PDE4DIP: variants seen among roughly 807,000 people sequenced by gnomAD.
The protein encoded by PDE4DIP is phosphodiesterase 4D interacting protein, also known as myomegalin.
Under a neutral mutation model 221.4 loss-of-function variants are expected in PDE4DIP, and 59 were observed. The observed-to-expected ratio is 0.27, with a 90% CI of 0.22 to 0.33. The LOEUF is 0.33. PDE4DIP is among the 10% of genes least tolerant of loss of function. The probability of loss-of-function intolerance (pLI) is 1.00; values close to 1 mark genes in which losing one functional copy is unlikely to be tolerated. For synonymous variants in PDE4DIP, 404 were observed against 815.9 expected (o/e 0.50, Z 8.60); for missense variants, 1,036 against 2,154.2 (o/e 0.48, Z 10.28).
chr1:148,989,453 G>A lies in PDE4DIP; in HGVS notation c.2816-2432G>A, dbSNP rs61809694. 8 of 507,408 alleles carry A rather than the reference G, an allele frequency of 1.6e-5. No individual in the cohort carries two copies. The Admixed American group carries it at 3.1e-4, about 20-fold the overall frequency. The allele number at this position is 507,408 out of a possible 1,614,324, so 31.4% of individuals were successfully genotyped here. ...TGGAGCATTATCCAAGAATGCAGAC[G>A]TGGCACCAGAAAGGCTGCCAAAGAT... On this transcript the variant is annotated intron_variant, in intron 21 of 43. Transcript: ENST00000369354.
intron 14 of PDE4DIP, among the ~76,000 whole-genome samples, chr1:148,970,502 T>G (rs1419438156): frequency 1.3e-5 from 2 of 150,510 alleles, no homozygotes; most frequent in African/African-American, 2.4e-5. Context: ...ATGGTTGTAT[T>G]CTTCTAGATC....
chr1:148,975,454 G>C (rs1384280480), intron 17 of PDE4DIP, among the ~76,000 whole-genome samples: 4 of 150,012 alleles, frequency 2.7e-5, no homozygotes, highest in African/African-American at 9.9e-5. Context: ...TTTAAAATGG[G>C]AGTGGAGAAT....
chr1:148,978,086 T>A (rs782027789), intron 18 of PDE4DIP, 33 bp downstream of exon 21: 46 of 1,584,192 alleles, frequency 2.9e-5, no homozygotes, highest in Non-Finnish European at 3.6e-5. Flanking sequence ...CCACTGGAAA[T>A]GTTCACAGCT....
Position 148,975,777 on chromosome 1 carries a change from G to T in PDE4DIP, c.2319+1172G>T, listed in dbSNP as rs587691992. Among the ~76,000 whole-genome samples, 424 of 152,190 alleles carry T rather than the reference G, an allele frequency of 2.8e-3. 2 individuals are homozygous for T. Among genetic ancestry groups the T allele is most frequent in the African/African-American group, 9.8e-3 (408 of 41,532 alleles). On this transcript the variant is annotated intron_variant, in intron 17 of 43. Coordinates refer to ENST00000369354, the Ensembl canonical transcript of PDE4DIP. ...TACTATGCTGGCATCTCTTTTAGAA[G>T]ATCACTCAATGTCATGGCTTCCTAA...
intron 1 of PDE4DIP, among the ~76,000 whole-genome samples, chr1:148,919,372 C>A (rs1292285109): frequency 6.6e-6 from 1 of 151,352 alleles, no homozygotes; most frequent in Non-Finnish European, 1.5e-5. Flanking sequence ...TTAATGTTAG[C>A]CAGATATCTA....
At position 149,028,968 on chromosome 1, in the gene PDE4DIP, C is replaced by T. The variant is rs587711665; in HGVS notation, c.6813+265C>T. Among the ~76,000 whole-genome samples, 13 of 152,276 alleles carry T rather than the reference C, an allele frequency of 8.5e-5. No homozygotes were observed. The East Asian group carries it at 1.5e-3, about 18-fold the overall frequency. On this transcript the variant is annotated intron_variant, in intron 41 of 43. Coordinates refer to ENST00000369354, the Ensembl canonical transcript of PDE4DIP. ...AGAAGATGAAGGGGTGTGAAGAAGG[C>T]GGAGACATCATAACCCTGGCCATCC...
In PDE4DIP at chr1:148,998,415, T is replaced by A. The variant is rs1553569398; in HGVS notation, c.3137+40T>A. ...CCAGGGAAGGGGAGCTTGCAGGTCA[T>A]GAGGCACCACAGCCAAGGGGTGCCT... On this transcript the variant is annotated intron_variant, in intron 23 of 43. Transcript: ENST00000369354. The A allele has an allele frequency of 2.4e-6, 3 of 1,243,522 alleles. No homozygotes were observed. In the Admixed American group the frequency reaches 5.2e-5, roughly 21 times the overall value. 77.0% of individuals were successfully genotyped at this position (1,243,522 alleles called of 1,614,324 possible).
exon 27 of PDE4DIP, chr1:149,005,080 T>C: frequency 6.2e-7 from 1 of 1,613,566 alleles, no homozygotes. Context: ...AACATCTTGG[T>C]CCTACGAAAG....
intron 19 of PDE4DIP, among the ~76,000 whole-genome samples, chr1:148,979,055 A>G (rs1229472593): frequency 6.6e-6 from 1 of 151,506 alleles, no homozygotes; most frequent in Non-Finnish European, 1.5e-5. Flanking sequence ...AAAAAAAGAG[A>G]AAGAAACCCC....
chr1:148,820,640 T>C (rs1406431500), intron 1 of PDE4DIP, among the ~76,000 whole-genome samples: 1 of 148,692 alleles, frequency 6.7e-6, no homozygotes, highest in Non-Finnish European at 1.5e-5. Flanking sequence ...TTGCAGACTT[T>C]TGTTTTGTTT....
At chr1:148,936,988 T>C (rs1197347022) in intron 4 of PDE4DIP, among the ~76,000 whole-genome samples, 5 of 152,180 alleles carry the variant, frequency 3.3e-5, no homozygotes, top group African/African-American at 1.2e-4. Flanking sequence ...AAAACGACAA[T>C]GAAAGTATAG....
chr1:148,980,950 CT>C (rs1294806169), intron 20 of PDE4DIP, among the ~76,000 whole-genome samples: 4 of 152,184 alleles, frequency 2.6e-5, no homozygotes, highest in Non-Finnish European at 4.4e-5. Flanking sequence ...GAAACAAAAG[CT>C]TTTAGCCAAA....
intron 31 of PDE4DIP, among the ~76,000 whole-genome samples, chr1:149,012,329 T>TGA (rs2068806432): frequency 7.3e-6 from 1 of 137,130 alleles, no homozygotes; most frequent in African/African-American, 2.8e-5. Flanking sequence ...CTTACCTTCT[T>TGA]TAGCCAATTG....
intron 41 of PDE4DIP, among the ~76,000 whole-genome samples, chr1:149,028,942 A>T (rs2075953728): frequency 6.6e-6 from 1 of 152,132 alleles, no homozygotes; most frequent in Non-Finnish European, 1.5e-5. Flanking sequence ...TAAGAAATCA[A>T]AGAAGATGAA....
At chr1:148,967,949 G>T (rs1345359471) in intron 13 of PDE4DIP, 44 bp downstream of exon 16, 1 of 832,062 alleles carries the variant, frequency 1.2e-6, no homozygotes, top group Non-Finnish European at 2.0e-6. Flanking sequence ...CAGTGATTAT[G>T]TAATCTCAGC....
At chr1:149,030,492 T>C (rs1553636074) in intron 43 of PDE4DIP, 3 of 974,426 alleles carry the variant, frequency 3.1e-6, no homozygotes, top group Non-Finnish European at 3.7e-6. Context: ...TGTATCTTGG[T>C]TCACTCTCAC....
chr1:148,985,847 AGGGGTTTTAAGTACATAAACCATATT>A (rs2061825338), intron 21 of PDE4DIP: 2 of 152,304 alleles, frequency 1.3e-5, no homozygotes, highest in East Asian at 3.9e-4. Flanking sequence ...TATGGAGAAT[AGGGGTTTTAAGTACATAAACCATATT>A]GGCTTCCTTG....
intron 37 of PDE4DIP, among the ~76,000 whole-genome samples, chr1:149,022,980 G>T (rs1323403430): frequency 3.9e-5 from 6 of 152,292 alleles, no homozygotes; most frequent in Admixed American, 6.5e-5. Context: ...GCAAAATTTA[G>T]TGAGAAGTTG....
chr1:149,000,548 T>C (rs1553573950), intron 23 of PDE4DIP, among the ~76,000 whole-genome samples: 2 of 148,402 alleles, frequency 1.3e-5, no homozygotes. Flanking sequence ...AGTGAGACTC[T>C]GTCTCAAAAA....
Sources: allele counts gnomAD v4.1 joint callset (sites outside exome capture counted in the v4.1 genomes callset), GRCh38; gene constraint gnomAD v4.1.1; transcripts MANE v1.5; gene names NCBI Gene and HGNC (gene_info 2026-07-23, HGNC 2026-07-21).